The following ATP6V0A4 variants were observed in gnomAD, a reference collection of about 807,000 sequenced individuals.
The protein encoded by ATP6V0A4 is V-type proton ATPase 116 kDa subunit a 4.
A neutral mutation model predicts 107.3 loss-of-function variants in ATP6V0A4; 86 were observed. That is an observed-to-expected ratio of 0.80 (90% CI 0.67 to 0.96). ATP6V0A4 has a LOEUF of 0.96. ATP6V0A4 is among the 40% of genes least tolerant of loss of function. ATP6V0A4 has a pLI of 0.00. For missense variants in ATP6V0A4, 908 were observed against 1,045.6 expected, an observed-to-expected ratio of 0.87 and a Z score of 1.81; for synonymous variants, 353 against 381.4, an observed-to-expected ratio of 0.93 and a Z score of 0.87.
intron 18 of ATP6V0A4, among the ~76,000 whole-genome samples, chr7:138,727,626 G>A (rs1035950008): frequency 1.7e-4 from 26 of 152,306 alleles, no homozygotes; most frequent in Admixed American, 5.9e-4. Flanking sequence ...CTAGGTCCCT[G>A]ACTCTGCTGC....
At chr7:138,719,616 A>C (rs1414015665) in intron 19 of ATP6V0A4, among the ~76,000 whole-genome samples, 2 of 152,202 alleles carry the variant, frequency 1.3e-5, no homozygotes. Flanking sequence ...GCCACACATC[A>C]ATGTGGGGAC....
chr7:138,774,842 T>C (rs922704903), intron 2 of ATP6V0A4, among the ~76,000 whole-genome samples: 3 of 152,118 alleles, frequency 2.0e-5, no homozygotes, highest in Non-Finnish European at 2.9e-5. Context: ...AGACTCCTTA[T>C]GAAATGCCCA....
Position 138,706,569 on chromosome 7 carries a change from A to C in ATP6V0A4, c.*55T>G. ...CTTGCAGGGGCTGATATCAAAGACA[A>C]GACTGAACTTCCTTCATTGGCATGG... On this transcript the variant is annotated 3_prime_UTR_variant, in exon 22 of 22. Coordinates refer to ENST00000310018, the MANE Select transcript of ATP6V0A4 (RefSeq NM_020632.3). 10 of 1,601,230 alleles carry C rather than the reference A, an allele frequency of 6.2e-6. No homozygotes were observed. Among genetic ancestry groups the C allele is most frequent in the Non-Finnish European group, 8.6e-6 (10 of 1,169,588 alleles).
At chr7:138,707,086 G>GTGTGTGTGTGTGTGTA (rs1803412070) in intron 21 of ATP6V0A4, among the ~76,000 whole-genome samples, 1 of 108,798 alleles carries the variant, frequency 9.2e-6, no homozygotes, top group Non-Finnish European at 1.8e-5. Flanking sequence ...GTGTGTGTGT[G>GTGTGTGTGTGTGTGTA]TGTGTGTATA....
chr7:138,771,828 C>T lies in ATP6V0A4; in HGVS notation c.-17-564G>A, dbSNP rs187203935. Among the ~76,000 whole-genome samples, 78 of 152,180 alleles carry T rather than the reference C, an allele frequency of 5.1e-4. 1 individual carries two copies. Among genetic ancestry groups the T allele is most frequent in the African/African-American group, 1.8e-3 (73 of 41,514 alleles). On this transcript the variant is annotated intron_variant, in intron 2 of 21. Coordinates refer to ENST00000310018, the MANE Select transcript of ATP6V0A4 (RefSeq NM_020632.3). ...TTGAGACAGAGTCTTGCTGTGTTGC[C>T]CAGGCTGGTATTGAACTCCTGGACT...
At chr7:138,743,090 T>G (rs1805715613) in intron 14 of ATP6V0A4, among the ~76,000 whole-genome samples, 1 of 152,234 alleles carries the variant, frequency 6.6e-6, no homozygotes, top group Non-Finnish European at 1.5e-5. Flanking sequence ...CACTAAATAT[T>G]TCTACAGTCT....
Position 138,728,666 on chromosome 7 carries a change from C to A in ATP6V0A4, c.2010+95G>T, listed in dbSNP as rs371393949. 2.5e-4 allele frequency: 377 copies of A among 1,538,502 alleles called. 4 individuals are homozygous for A. The African/African-American group carries it at 4.2e-3, about 17-fold the overall frequency. Reference sequence around the variant, plus strand: ...CTCAACACCATTCTTCTGGCCCTGGCAGCCCAGGACGATTCTCTCTAAACC... The same window carrying A: ...CTCAACACCATTCTTCTGGCCCTGGAAGCCCAGGACGATTCTCTCTAAACC... On this transcript the variant is annotated intron_variant, in intron 18 of 21. Transcript: ENST00000310018.
At chr7:138,707,162 T>C (rs1300066122) in intron 21 of ATP6V0A4, among the ~76,000 whole-genome samples, 8 of 75,398 alleles carry the variant, frequency 1.1e-4, no homozygotes, top group African/African-American at 4.7e-4. Flanking sequence ...TAATATATAA[T>C]ATATTATATA....
intron 2 of ATP6V0A4, among the ~76,000 whole-genome samples, chr7:138,779,722 C>A (rs544441765): frequency 6.6e-6 from 1 of 152,266 alleles, no homozygotes; most frequent in Admixed American, 6.5e-5. Context: ...ATACTCTTCT[C>A]CTGATACCCC....
intron 18 of ATP6V0A4, among the ~76,000 whole-genome samples, chr7:138,728,423 C>T (rs924253919): frequency 7.9e-5 from 12 of 151,884 alleles, no homozygotes; most frequent in Admixed American, 3.3e-4. Context: ...GATGGGGTTT[C>T]GCCACGTTAG....
intron 5 of ATP6V0A4, among the ~76,000 whole-genome samples, chr7:138,766,533 C>T (rs879774866): frequency 2.6e-5 from 4 of 151,598 alleles, no homozygotes; most frequent in Non-Finnish European, 5.9e-5. Context: ...TTTTTTTAAT[C>T]CATCTAAGAG....
chr7:138,797,658 G>A (rs923844954), intron 1 of ATP6V0A4, among the ~76,000 whole-genome samples: 10 of 151,972 alleles, frequency 6.6e-5, no homozygotes, highest in Admixed American at 5.9e-4. Context: ...AACGCACTTC[G>A]ACAGCAGGTA....
rs775854630 is a variant in ATP6V0A4, at chr7:138,706,623, C to A, written c.*1G>T. The A allele has an allele frequency of 6.2e-7, 1 of 1,613,892 alleles. No homozygotes were observed. Among genetic ancestry groups the A allele is most frequent in the Non-Finnish European group, 8.5e-7 (1 of 1,179,898 alleles). On this transcript the variant is annotated 3_prime_UTR_variant, in exon 22 of 22. Coordinates refer to ENST00000310018, the MANE Select transcript of ATP6V0A4 (RefSeq NM_020632.3). ...CCACCGTGGGAGGTGCAGCCCTCAG[C>A]CTACTCCTCGGCTGTGCCATCCAGG... is the stretch of plus-strand genomic sequence containing the variant.
At chr7:138,729,843 G>C (rs1046028560) in intron 17 of ATP6V0A4, among the ~76,000 whole-genome samples, 5 of 152,200 alleles carry the variant, frequency 3.3e-5, no homozygotes, top group African/African-American at 1.2e-4. Flanking sequence ...GATTCCCCCT[G>C]ATAATAGAGT....
intron 16 of ATP6V0A4, 118 bp downstream of exon 16, chr7:138,734,018 A>AC (rs1805172654): frequency 8.5e-7 from 1 of 1,174,906 alleles, no homozygotes; most frequent in East Asian, 2.5e-5. Flanking sequence ...CCAGGGAAGT[A>AC]CCCCTCATAG....
intron 17 of ATP6V0A4, among the ~76,000 whole-genome samples, chr7:138,732,620 C>G (rs1410695955): frequency 6.6e-6 from 1 of 151,928 alleles, no homozygotes; most frequent in Non-Finnish European, 1.5e-5. Context: ...ATGGTGAAAT[C>G]CTGTCTCTAC....
chr7:138,764,093 T>TC (rs1290993407), intron 5 of ATP6V0A4, among the ~76,000 whole-genome samples: 1 of 151,026 alleles, frequency 6.6e-6, no homozygotes, highest in Non-Finnish European at 1.5e-5. Context: ...ACAATATAGT[T>TC]CCATTTAGAG....
At chr7:138,763,193 AC>A in intron 5 of ATP6V0A4, 168 bp from the exon 6 acceptor site, 1 of 338,590 alleles carries the variant, frequency 3.0e-6, no homozygotes. Context: ...ACAGACACAC[AC>A]ACACACACAC....
At chr7:138,736,252 A>G (rs1805318149) in intron 15 of ATP6V0A4, among the ~76,000 whole-genome samples, 1 of 152,204 alleles carries the variant, frequency 6.6e-6, no homozygotes, top group Admixed American at 6.5e-5. Context: ...CTAAATAAAT[A>G]AATAAATAAA....
Sources: allele counts gnomAD v4.1 joint callset (sites outside exome capture counted in the v4.1 genomes callset), GRCh38; gene constraint gnomAD v4.1.1; transcripts MANE v1.5; gene names NCBI Gene and HGNC (gene_info 2026-07-23, HGNC 2026-07-21).